ADGB: variants seen among roughly 807,000 people sequenced by gnomAD.
The protein encoded by ADGB is androglobin.
Under a neutral mutation model 210.5 loss-of-function variants are expected in ADGB, and 172 were observed. That is an observed-to-expected ratio of 0.82 (90% CI 0.72 to 0.93). ADGB has a LOEUF of 0.93. ADGB is among the 40% of genes least tolerant of loss of function. The probability of loss-of-function intolerance (pLI) is 0.00; values close to 1 mark genes in which losing one functional copy is unlikely to be tolerated. For synonymous variants in ADGB, 658 were observed against 662.7 expected, an observed-to-expected ratio of 0.99 and a Z score of 0.11; for missense variants, 2,025 against 1,964.8, an observed-to-expected ratio of 1.03 and a Z score of -0.58.
intron 30 of ADGB, among the ~76,000 whole-genome samples, chr6:146,783,011 G>A (rs1777824104): frequency 6.6e-6 from 1 of 152,148 alleles, no homozygotes; most frequent in Non-Finnish European, 1.5e-5. Context: ...ATACCCTAGT[G>A]GCTTTTAAGG....
intron 3 of ADGB, among the ~76,000 whole-genome samples, chr6:146,647,493 G>A (rs1196488233): frequency 6.6e-6 from 1 of 151,980 alleles, no homozygotes; most frequent in East Asian, 1.9e-4. Context: ...TATAGTAGGG[G>A]AATACATAAT....
chr6:146,737,156 A>C (rs917455697), intron 23 of ADGB, among the ~76,000 whole-genome samples: 1 of 152,046 alleles, frequency 6.6e-6, no homozygotes, highest in African/African-American at 2.4e-5. Context: ...GAAAAAAAAA[A>C]CCTCTAAACA....
Position 146,805,204 on chromosome 6 carries a change from C to A in ADGB, c.4818+3193C>A, listed in dbSNP as rs62434397. Among the ~76,000 whole-genome samples, 1,187 of 152,260 alleles carry A rather than the reference C, an allele frequency of 7.8e-3. 18 individuals carry two copies. The highest frequency in any genetic ancestry group is 0.056 in the East Asian group (288 of 5,150). On this transcript the variant is annotated intron_variant, in intron 35 of 35. Transcript: ENST00000397944. Reference sequence around the variant, plus strand: ...AATTGCACATTGGCTGTGACTATTTCTACCCAGAAATGGCACATTCATTTG... The same window carrying A: ...AATTGCACATTGGCTGTGACTATTTATACCCAGAAATGGCACATTCATTTG...
intron 33 of ADGB, among the ~76,000 whole-genome samples, chr6:146,789,861 TAGA>T (rs1777929707): frequency 6.6e-6 from 1 of 152,218 alleles, no homozygotes; most frequent in Non-Finnish European, 1.5e-5. Context: ...GCAGTTTGGC[TAGA>T]ACCTGGACTT....
chr6:146,646,220 A>G (rs1182509058), intron 3 of ADGB, among the ~76,000 whole-genome samples: 3 of 152,008 alleles, frequency 2.0e-5, no homozygotes, highest in African/African-American at 2.4e-5. Context: ...TTTGGGCAAG[A>G]TATGCCAGAG....
chr6:146,661,334 C>G (rs149520879), intron 5 of ADGB, among the ~76,000 whole-genome samples: 3 of 151,228 alleles, frequency 2.0e-5, no homozygotes, highest in African/African-American at 7.3e-5. Context: ...ATCCTCCTGC[C>G]TCAGCCTCCC....
intron 3 of ADGB, among the ~76,000 whole-genome samples, chr6:146,647,910 A>G (rs535249821): frequency 4.6e-5 from 7 of 152,044 alleles, no homozygotes; most frequent in Non-Finnish European, 7.4e-5. Context: ...TTTCTTTAAC[A>G]TAAGGTCCAA....
In ADGB at chr6:146,815,132, C is replaced by T. The variant is rs562579865; in HGVS notation, c.4919C>T (p.Ala1640Val). The change falls in exon 36 of 36, where the codon GCT becomes GTT. Residue 1640 changes from alanine to valine, a missense_variant. By Grantham distance (64) the Ala-to-Val change is moderately conservative. Coordinates refer to ENST00000397944, the MANE Select transcript of ADGB (RefSeq NM_024694.4). ...CACCTAAAGCTGGAAACTCTGGCTG[C>T]TCAGGAAGCAGCCATGAAGCTGGAG... ...AEHLKLETLA[A>V]QEAAMKLETE... The T allele has an allele frequency of 5.5e-5, 85 of 1,547,848 alleles. No individual in the cohort carries two copies. In the South Asian group the frequency reaches 9.3e-4, roughly 17 times the overall value.
chr6:146,803,493 T>G lies in ADGB; in HGVS notation c.4818+1482T>G. 3 of 1,604,690 alleles carry G rather than the reference T, an allele frequency of 1.9e-6. No individual in the cohort carries two copies. In the South Asian group the frequency reaches 3.3e-5, roughly 18 times the overall value. ...TTGGAAAGGGATGATGAACTTTCTTTCTGCGATAGATCACTTTACGAAGTT... is the reference window on the plus strand; with the variant it reads ...TTGGAAAGGGATGATGAACTTTCTTGCTGCGATAGATCACTTTACGAAGTT... On this transcript the variant is annotated intron_variant, in intron 35 of 35. Transcript: ENST00000397944.
chr6:146,767,458 T>A (rs138022910), intron 28 of ADGB, among the ~76,000 whole-genome samples: 2 of 152,278 alleles, frequency 1.3e-5, no homozygotes, highest in East Asian at 3.9e-4. Context: ...ACATAGATCT[T>A]GAATTCTCCC....
chr6:146,808,473 G>A (rs559556538), intron 35 of ADGB, among the ~76,000 whole-genome samples: 1 of 152,240 alleles, frequency 6.6e-6, no homozygotes, highest in African/African-American at 2.4e-5. Flanking sequence ...CACCAGTGTT[G>A]TGTTTTCTCT....
At chr6:146,657,121 TCG>T in intron 5 of ADGB, 141 bp downstream of exon 5, 3 of 731,618 alleles carry the variant, frequency 4.1e-6, no homozygotes, top group Non-Finnish European at 6.5e-6. Flanking sequence ...GATCAGGAGT[TCG>T]CAACCAGCCT....
At chr6:146,666,703 T>C (rs1354814952) in intron 6 of ADGB, 113 bp from the exon 7 acceptor site, 1 of 560,542 alleles carries the variant, frequency 1.8e-6, no homozygotes, top group East Asian at 2.9e-5. Context: ...TTTAATACAG[T>C]CTATAATGAA....
At chr6:146,802,160 A>T in intron 35 of ADGB, 149 bp downstream of exon 35, 1 of 511,292 alleles carries the variant, frequency 2.0e-6, no homozygotes. Context: ...AAACATCACA[A>T]ATTTGATTCT....
intron 34 of ADGB, 52 bp downstream of exon 34, chr6:146,801,331 C>A: frequency 1.8e-6 from 2 of 1,115,986 alleles, no homozygotes; most frequent in South Asian, 3.9e-5. Context: ...TTTGTTAAAT[C>A]GATTATTAAA....
chr6:146,712,474 A>C (rs1776672331), intron 13 of ADGB, among the ~76,000 whole-genome samples: 1 of 151,674 alleles, frequency 6.6e-6, no homozygotes, highest in Non-Finnish European at 1.5e-5. Flanking sequence ...GGTGTGAGCC[A>C]CCATGCCAGG....
At position 146,728,590 on chromosome 6, in the gene ADGB, C is replaced by T. The variant is rs911223127; in HGVS notation, c.2369C>T (p.Thr790Met). The T allele has an allele frequency of 3.1e-5, 48 of 1,550,960 alleles. 1 individual carries two copies. The highest frequency in any genetic ancestry group is 1.7e-4 in the Middle Eastern group (1 of 6,012). Residue 790 changes from threonine to methionine, a missense_variant, in exon 20 of 36, where the codon ACG becomes ATG. Coordinates refer to ENST00000397944, the MANE Select transcript of ADGB (RefSeq NM_024694.4). Reference sequence around the variant, plus strand: ...TCTTCACAGGAGAGCTGCCGATTTACGGAACAGTCTCTGTTGATTATGAAA... The same window carrying T: ...TCTTCACAGGAGAGCTGCCGATTTATGGAACAGTCTCTGTTGATTATGAAA... ...PNFEPESCRF[T>M]EQSLLIMKAI...
chr6:146,669,058 A>T (rs1775973231), intron 7 of ADGB, among the ~76,000 whole-genome samples: 1 of 152,090 alleles, frequency 6.6e-6, no homozygotes, highest in African/African-American at 2.4e-5. Context: ...GGGAAATACA[A>T]CCTAGATTTT....
At position 146,716,975 on chromosome 6, in the gene ADGB, A is replaced by C; in HGVS notation, c.1834A>C (p.Thr612Pro). 6.4e-7 allele frequency: 1 copy of C among 1,551,632 alleles called. No homozygotes were observed. The highest frequency in any genetic ancestry group is 8.7e-7 in the Non-Finnish European group (1 of 1,146,962). ...EREIVSQTTATQEKSQEELPT... is the reference protein window; with the variant it reads ...EREIVSQTTAPQEKSQEELPT... ...AGAGATAGTCAGCCAGACCACAGCA[A>C]CACAGGAAAAGTCACAGGAAGAACT... The change falls in exon 15 of 36, where the codon ACA becomes CCA. Residue 612 changes from threonine (T) to proline (P), a missense_variant. Transcript: ENST00000397944.
Sources: allele counts gnomAD v4.1 joint callset (sites outside exome capture counted in the v4.1 genomes callset), GRCh38; gene constraint gnomAD v4.1.1; transcripts MANE v1.5; gene names NCBI Gene and HGNC (gene_info 2026-07-23, HGNC 2026-07-21).